The following HS3ST4 variants were observed in gnomAD, a reference collection of about 807,000 sequenced individuals.
HS3ST4 encodes the protein heparan sulfate-glucosamine 3-sulfotransferase 4, also known as heparan sulfate glucosamine 3-O-sulfotransferase 4.
HS3ST4 carries 17 observed loss-of-function variants against 29.2 expected under a neutral mutation model. That is an observed-to-expected ratio of 0.58 (90% CI 0.40 to 0.87). The LOEUF (loss-of-function observed/expected upper bound fraction) is 0.87, where lower values mean the gene tolerates loss of function less well. HS3ST4 is among the 40% of genes least tolerant of loss of function. The pLI, the probability that HS3ST4 is intolerant of heterozygous loss-of-function variation, is 0.00. For synonymous variants in HS3ST4, 314 were observed against 285.7 expected, an observed-to-expected ratio of 1.10 and a Z score of -1.00; for missense variants, 627 against 634.5, an observed-to-expected ratio of 0.99 and a Z score of 0.13.
intron 1 of HS3ST4, among the ~76,000 whole-genome samples, chr16:25,707,504 T>G (rs927821293): frequency 1.3e-5 from 2 of 152,186 alleles, no homozygotes; most frequent in Non-Finnish European, 2.9e-5. Flanking sequence ...GCATATCCTC[T>G]GTAGATGAGG....
chr16:25,846,660 T>G (rs1967469544), intron 1 of HS3ST4, among the ~76,000 whole-genome samples: 1 of 152,210 alleles, frequency 6.6e-6, no homozygotes, highest in African/African-American at 2.4e-5. Flanking sequence ...TTGTTTATAA[T>G]TTGAGTGTTC....
Position 25,830,030 on chromosome 16 carries a change from G to C in HS3ST4, c.734+136879G>C, listed in dbSNP as rs139038353. ...AGTAGAGACGTGGTTTCGGCATGTT[G>C]CCCAGGCTGGTGTCGAGCTCCTGAG... On this transcript the variant is annotated intron_variant, in intron 1 of 1. Transcript: ENST00000331351. Among the ~76,000 whole-genome samples, 564 of 152,142 alleles carry C rather than the reference G, an allele frequency of 3.7e-3. 2 individuals carry two copies. Among genetic ancestry groups the C allele is most frequent in the Non-Finnish European group, 6.3e-3 (429 of 68,008 alleles).
At chr16:25,802,923 ATATATGTGTG>A (rs1419526928) in intron 1 of HS3ST4, among the ~76,000 whole-genome samples, 12 of 28,768 alleles carry the variant, frequency 4.2e-4, no homozygotes, top group Admixed American at 2.5e-3. Context: ...CTTTTAAGTT[ATATATGTGTG>A]TGTGTGTGTG....
intron 1 of HS3ST4, among the ~76,000 whole-genome samples, chr16:26,001,759 C>T (rs1215334416): frequency 1.3e-5 from 2 of 151,860 alleles, no homozygotes; most frequent in East Asian, 3.9e-4. Context: ...ACATTTTCTC[C>T]GAGGCTCTGA....
intron 1 of HS3ST4, among the ~76,000 whole-genome samples, chr16:25,773,949 C>T (rs1382757569): frequency 6.6e-6 from 1 of 152,088 alleles, no homozygotes; most frequent in Non-Finnish European, 1.5e-5. Flanking sequence ...TCTCGGTGAC[C>T]AAAGCAACAT....
intron 1 of HS3ST4, among the ~76,000 whole-genome samples, chr16:26,103,450 C>T (rs958500863): frequency 5.3e-5 from 8 of 152,088 alleles, no homozygotes; most frequent in South Asian, 2.1e-4. Flanking sequence ...CCAAGAAAGC[C>T]GTTAACAGAT....
intron 1 of HS3ST4, among the ~76,000 whole-genome samples, chr16:25,945,927 C>CT (rs1474837309): frequency 6.6e-6 from 1 of 152,068 alleles, no homozygotes; most frequent in East Asian, 1.9e-4. Flanking sequence ...GATAGATTCC[C>CT]TTTTTTCCCT....
At chr16:25,795,810 G>T (rs925344187) in intron 1 of HS3ST4, among the ~76,000 whole-genome samples, 1 of 152,078 alleles carries the variant, frequency 6.6e-6, no homozygotes, top group East Asian at 1.9e-4. Context: ...TCTATCTTTT[G>T]TTCGAGTCCA....
At chr16:25,793,552 T>C (rs1966875077) in intron 1 of HS3ST4, among the ~76,000 whole-genome samples, 1 of 152,004 alleles carries the variant, frequency 6.6e-6, no homozygotes, top group Non-Finnish European at 1.5e-5. Context: ...TTTAATTATG[T>C]TTCTTGCCTT....
At chr16:25,941,290 G>C (rs964241492) in intron 1 of HS3ST4, among the ~76,000 whole-genome samples, 1 of 152,062 alleles carries the variant, frequency 6.6e-6, no homozygotes, top group African/African-American at 2.4e-5. Flanking sequence ...CTCCTGAGTA[G>C]CTGGGATTAC....
chr16:26,023,464 A>G (rs1381581968), intron 1 of HS3ST4, among the ~76,000 whole-genome samples: 4 of 152,020 alleles, frequency 2.6e-5, no homozygotes, highest in Non-Finnish European at 5.9e-5. Context: ...CAATGGCATG[A>G]TCATAGCCCA....
intron 1 of HS3ST4, among the ~76,000 whole-genome samples, chr16:26,104,986 T>C (rs1899033493): frequency 6.6e-6 from 1 of 152,158 alleles, no homozygotes; most frequent in Admixed American, 6.5e-5. Flanking sequence ...CACCTGATAC[T>C]TTCATTATTT....
At chr16:25,715,138 A>T (rs1037079949) in intron 1 of HS3ST4, among the ~76,000 whole-genome samples, 1 of 151,692 alleles carries the variant, frequency 6.6e-6, no homozygotes, top group Non-Finnish European at 1.5e-5. Flanking sequence ...CTGGCTAACA[A>T]GGTGAAACCC....
At chr16:26,128,974 AC>A (rs2141814856) in intron 1 of HS3ST4, among the ~76,000 whole-genome samples, 1 of 152,328 alleles carries the variant, frequency 6.6e-6, no homozygotes, top group East Asian at 1.9e-4. Flanking sequence ...ACTGGATAAC[AC>A]ATTTGGGAAA....
Position 25,692,424 on chromosome 16 carries a change from C to G in HS3ST4, c.7C>G (p.Arg3Gly), listed in dbSNP as rs1387862537. 1.0e-5 allele frequency: 11 copies of G among 1,077,898 alleles called. No individual in the cohort carries two copies. The highest frequency in any genetic ancestry group is 1.3e-5 in the Non-Finnish European group (11 of 872,870). The allele number at this position is 1,077,898 out of a possible 1,614,324, so 66.8% of individuals were successfully genotyped here. Residue 3 changes from arginine to glycine, a missense_variant, in exon 1 of 2, where the codon CGG (arginine) becomes GGG (glycine). This residue lies in a region of HS3ST4 where 402 missense variants were observed against 340.8 expected (regional missense o/e 1.18). Coordinates refer to ENST00000331351, the MANE Select transcript of HS3ST4 (RefSeq NM_006040.3). The stretch of plus-strand genomic sequence containing the variant: ...CCGCGAGCCGGGAGCCGCGATGGCC[C>G]GGTGGCCCGCACCTCCTCCGCCTCC... MA[R>G]WPAPPPPPPP...
rs1193961102 is a variant in HS3ST4, at chr16:26,135,796, G to A, written c.919G>A (p.Glu307Lys). 21 of 1,613,978 alleles carry A rather than the reference G, an allele frequency of 1.3e-5. No individual in the cohort carries two copies. The highest frequency in any genetic ancestry group is 1.4e-5 in the Non-Finnish European group (17 of 1,179,976). ...DYTQTLSKKP[E>K]IPTFEVLAFK... ...CACGCAGACACTGTCAAAGAAACCC[G>A]AGATCCCCACCTTTGAGGTGCTGGC... Residue 307 changes from glutamate (E) to lysine (K), a missense_variant, in exon 2 of 2, where the codon GAG (glutamate) becomes AAG (lysine). Transcript: ENST00000331351.
At chr16:25,767,356 A>G (rs889923527) in intron 1 of HS3ST4, among the ~76,000 whole-genome samples, 3 of 152,100 alleles carry the variant, frequency 2.0e-5, no homozygotes, top group African/African-American at 7.2e-5. Flanking sequence ...CAGTGCAAAC[A>G]GATGTGTCAA....
chr16:25,836,103 A>G (rs1360968892), intron 1 of HS3ST4, among the ~76,000 whole-genome samples: 1 of 152,144 alleles, frequency 6.6e-6, no homozygotes, highest in Admixed American at 6.5e-5. Context: ...AGCCTACAAA[A>G]CGGAAGGGCA....
chr16:25,895,880 A>G, intron 1 of HS3ST4, among the ~76,000 whole-genome samples: 1 of 152,172 alleles, frequency 6.6e-6, no homozygotes, highest in East Asian at 1.9e-4. Flanking sequence ...ATTAGGCTTC[A>G]ATATCTGAAT....
Sources: allele counts gnomAD v4.1 joint callset (sites outside exome capture counted in the v4.1 genomes callset), GRCh38; gene constraint gnomAD v4.1.1; regional missense constraint gnomAD v4.1.1; transcripts MANE v1.5; gene names NCBI Gene and HGNC (gene_info 2026-07-23, HGNC 2026-07-21).